ZFAT: variants seen among roughly 807,000 people sequenced by gnomAD.
ZFAT encodes the protein zinc finger protein ZFAT.
ZFAT carries 64 observed loss-of-function variants against 117.7 expected under a neutral mutation model. That is an observed-to-expected ratio of 0.54 (90% CI 0.44 to 0.67). The LOEUF (loss-of-function observed/expected upper bound fraction) is 0.67. ZFAT is among the 30% of genes least tolerant of loss of function. ZFAT has a pLI of 0.00. For missense variants in ZFAT, 1,433 were observed against 1,584.5 expected (o/e 0.90, Z 1.62); for synonymous variants, 679 against 615.0 (o/e 1.10, Z -1.54).
At chr8:134,627,195 G>C (rs1829577056) in intron 3 of ZFAT, among the ~76,000 whole-genome samples, 1 of 152,188 alleles carries the variant, frequency 6.6e-6, no homozygotes, top group Non-Finnish European at 1.5e-5. Context: ...CACCATTCTG[G>C]GAGTGCGGGC....
chr8:134,499,680 C>T (rs994465025), intron 15 of ZFAT, among the ~76,000 whole-genome samples: 4 of 151,968 alleles, frequency 2.6e-5, no homozygotes, highest in East Asian at 1.9e-4. Flanking sequence ...GGGAGGGGTG[C>T]GGTGGAGCCA....
At chr8:134,777,808 C>T in the ZFAT span, among the ~76,000 whole-genome samples, 2 of 152,104 alleles carry the variant, frequency 1.3e-5, no homozygotes, top group South Asian at 2.1e-4. Flanking sequence ...GACAATTAGG[C>T]TATAAGGAAA....
chr8:134,686,402 T>A (rs1833327344), intron 1 of ZFAT, among the ~76,000 whole-genome samples: 2 of 152,172 alleles, frequency 1.3e-5, no homozygotes. Context: ...TGCTTCCAGA[T>A]GTGATACTGG....
At chr8:134,827,007 T>C in the ZFAT span, among the ~76,000 whole-genome samples, 1 of 152,210 alleles carries the variant, frequency 6.6e-6, no homozygotes, top group East Asian at 1.9e-4. Context: ...TTGCAATTTA[T>C]AGGGTCACCC....
At chr8:134,747,571 AT>A in the ZFAT span, among the ~76,000 whole-genome samples, 1 of 152,202 alleles carries the variant, frequency 6.6e-6, no homozygotes, top group Non-Finnish European at 1.5e-5. Context: ...AACTACTATT[AT>A]TTATTACTCA....
At chr8:134,649,160 A>C (rs1044804730) in intron 2 of ZFAT, among the ~76,000 whole-genome samples, 5 of 100,408 alleles carry the variant, frequency 5.0e-5, no homozygotes, top group African/African-American at 1.5e-4. Flanking sequence ...AAGAACATCT[A>C]TCTCTCACAC....
chr8:134,550,310 G>GAAAAAAAAAAGA (rs1823039417), intron 11 of ZFAT, among the ~76,000 whole-genome samples: 1 of 72,534 alleles, frequency 1.4e-5, no homozygotes, highest in Non-Finnish European at 2.6e-5. Flanking sequence ...GGTCACAACG[G>GAAAAAAAAAAGA]AAAAAAAAAA....
At chr8:134,630,041 T>C (rs752085620) in intron 3 of ZFAT, among the ~76,000 whole-genome samples, 2 of 152,076 alleles carry the variant, frequency 1.3e-5, no homozygotes, top group East Asian at 1.9e-4. Context: ...CACAGGAATA[T>C]AGAGCCACTG....
upstream of ZFAT, among the ~76,000 whole-genome samples, chr8:134,714,107 GCC>G (rs34806943): frequency 0.16 from 15,236 of 94,304 alleles, 1,337 homozygotes; most frequent in East Asian, 0.36. Context: ...GCAAAGACAT[GCC>G]CCCCCCCCCC....
intron 2 of ZFAT, among the ~76,000 whole-genome samples, chr8:134,653,599 C>G (rs1327602381): frequency 1.3e-5 from 2 of 151,958 alleles, no homozygotes; most frequent in African/African-American, 4.8e-5. Flanking sequence ...TACACACACA[C>G]ACATAAAAGT....
At chr8:134,509,504 A>G in intron 15 of ZFAT, 115 bp downstream of exon 15, 1 of 1,475,502 alleles carries the variant, frequency 6.8e-7, no homozygotes, top group East Asian at 2.3e-5. Context: ...AGACTAGACC[A>G]ATTTCATTCC....
At chr8:134,740,484 CAA>C in the ZFAT span, among the ~76,000 whole-genome samples, 1 of 152,172 alleles carries the variant, frequency 6.6e-6, no homozygotes, top group African/African-American at 2.4e-5. Context: ...AGAAATTAAA[CAA>C]AACAAGCAAA....
At chr8:134,778,422 T>A in the ZFAT span, among the ~76,000 whole-genome samples, 1 of 152,220 alleles carries the variant, frequency 6.6e-6, no homozygotes, top group South Asian at 2.1e-4. Context: ...TTTTTTCAGT[T>A]CCTTCTATTT....
intron 3 of ZFAT, among the ~76,000 whole-genome samples, chr8:134,611,603 G>T (rs1156491948): frequency 6.6e-6 from 1 of 152,222 alleles, no homozygotes; most frequent in Admixed American, 6.5e-5. Context: ...AGGAAAGGAG[G>T]CTCAAGTTCC....
intron 12 of ZFAT, among the ~76,000 whole-genome samples, chr8:134,521,453 T>C (rs1451474282): frequency 6.6e-6 from 1 of 152,214 alleles, no homozygotes; most frequent in African/African-American, 2.4e-5. Context: ...ATTCTCAGTC[T>C]CCTTCACGTC....
the ZFAT span, among the ~76,000 whole-genome samples, chr8:134,741,270 G>A: frequency 1.3e-5 from 2 of 151,492 alleles, no homozygotes; most frequent in African/African-American, 2.4e-5. Context: ...ATTGGCTCAC[G>A]TTGACCTCTC....
At chr8:134,550,906 C>G (rs1190980906) in intron 11 of ZFAT, among the ~76,000 whole-genome samples, 1 of 149,570 alleles carries the variant, frequency 6.7e-6, no homozygotes, top group African/African-American at 2.4e-5. Context: ...TCCTCATTTT[C>G]TTGCAAATTT....
the ZFAT span, among the ~76,000 whole-genome samples, chr8:134,830,081 A>T: frequency 6.6e-6 from 1 of 152,218 alleles, no homozygotes; most frequent in Non-Finnish European, 1.5e-5. Flanking sequence ...TATCTCCATG[A>T]ACATATGACC....
chr8:134,735,624 C>T, the ZFAT span, among the ~76,000 whole-genome samples: 1 of 152,084 alleles, frequency 6.6e-6, no homozygotes, highest in Non-Finnish European at 1.5e-5. Flanking sequence ...TCCTCTGATA[C>T]CTGAATCTAG....
Sources: gnomAD v4.1 joint callset for allele counts (sites outside exome capture counted in the v4.1 genomes callset) on GRCh38, gnomAD v4.1.1 for gene constraint, MANE v1.5 for transcripts, NCBI Gene and HGNC (gene_info 2026-07-23, HGNC 2026-07-21) for gene names.